The following ATG7 variants were observed in gnomAD, a reference collection of about 807,000 sequenced individuals.
ATG7 encodes ubiquitin-like modifier-activating enzyme ATG7.
Under a neutral mutation model 82.4 loss-of-function variants are expected in ATG7, and 70 were observed. That is an observed-to-expected ratio of 0.85 (90% CI 0.70 to 1.04). The LOEUF is 1.04. ATG7 is among the 50% of genes least tolerant of loss of function. The probability of loss-of-function intolerance (pLI) is 0.00; values close to 1 mark genes in which losing one functional copy is unlikely to be tolerated. For synonymous variants in ATG7, 287 were observed against 313.0 expected (o/e 0.92, Z 0.88); for missense variants, 792 against 864.3 (o/e 0.92, Z 1.05).
chr3:11,551,758 T>C (rs1181273340), intron 20 of ATG7, among the ~76,000 whole-genome samples: 5 of 151,662 alleles, frequency 3.3e-5, no homozygotes, highest in South Asian at 2.1e-4. Flanking sequence ...CTTTTCTTTT[T>C]TTTTTCTCGA....
intron 20 of ATG7, among the ~76,000 whole-genome samples, chr3:11,500,884 C>T (rs1347009292): frequency 6.6e-6 from 1 of 152,208 alleles, no homozygotes; most frequent in Non-Finnish European, 1.5e-5. Flanking sequence ...CCATCTTGGC[C>T]TCCCAAAGTG....
At chr3:11,424,248 A>T (rs2082176976) in intron 19 of ATG7, among the ~76,000 whole-genome samples, 1 of 152,102 alleles carries the variant, frequency 6.6e-6, no homozygotes, top group Non-Finnish European at 1.5e-5. Flanking sequence ...AAAAACAAAA[A>T]CCAACTAAAG....
chr3:11,500,880 T>G (rs2091270779), intron 20 of ATG7, among the ~76,000 whole-genome samples: 1 of 152,206 alleles, frequency 6.6e-6, no homozygotes, highest in Non-Finnish European at 1.5e-5. Context: ...CTGCCCATCT[T>G]GGCCTCCCAA....
chr3:11,531,835 G>A (rs1490854307), intron 20 of ATG7, among the ~76,000 whole-genome samples: 2 of 139,532 alleles, frequency 1.4e-5, no homozygotes, highest in African/African-American at 5.4e-5. Flanking sequence ...CTGCACTTCA[G>A]CCTGGGTGAC....
At chr3:11,511,487 A>G (rs916137682) in intron 20 of ATG7, among the ~76,000 whole-genome samples, 21 of 152,194 alleles carry the variant, frequency 1.4e-4, no homozygotes, top group Non-Finnish European at 2.5e-4. Context: ...AGCTAGATAT[A>G]AAGACTCTCC....
chr3:11,285,900 TC>T (rs1943910539), intron 3 of ATG7, among the ~76,000 whole-genome samples: 1 of 152,250 alleles, frequency 6.6e-6, no homozygotes, highest in Admixed American at 6.5e-5. Context: ...TGGAGCATCA[TC>T]CCAGGATCAC....
intron 9 of ATG7, among the ~76,000 whole-genome samples, chr3:11,325,896 G>T (rs192965414): frequency 1.3e-5 from 2 of 152,138 alleles, no homozygotes; most frequent in African/African-American, 4.8e-5. Context: ...TAGCCTTTGT[G>T]TGTTTTTTGT....
chr3:11,416,712 C>T (rs534293818), intron 19 of ATG7, among the ~76,000 whole-genome samples: 3 of 152,142 alleles, frequency 2.0e-5, no homozygotes, highest in South Asian at 2.1e-4. Flanking sequence ...ATTGATTTCT[C>T]CTCTAGTTTT....
intron 20 of ATG7, among the ~76,000 whole-genome samples, chr3:11,487,017 T>A (rs2089757913): frequency 6.6e-6 from 1 of 151,714 alleles, no homozygotes; most frequent in South Asian, 2.1e-4. Flanking sequence ...TTACTTGAGA[T>A]GAGGGATTGG....
chr3:11,535,102 G>A (rs922545519), intron 20 of ATG7, among the ~76,000 whole-genome samples: 4 of 152,260 alleles, frequency 2.6e-5, no homozygotes, highest in African/African-American at 7.2e-5. Context: ...TTCTTCCTAA[G>A]ATGTGTTGCT....
chr3:11,396,265 A>T (rs1051971167), intron 19 of ATG7, among the ~76,000 whole-genome samples: 1 of 152,090 alleles, frequency 6.6e-6, no homozygotes, highest in Non-Finnish European at 1.5e-5. Flanking sequence ...TTGCCAACAC[A>T]GTGAAACCCC....
At position 11,416,846 on chromosome 3, in the gene ATG7, T is replaced by A. The variant is rs76305702; in HGVS notation, c.1957-9958T>A. 2.8e-3 allele frequency among the ~76,000 whole-genome samples: 426 copies of A among 152,324 alleles called. 4 individuals carry two copies. The highest frequency in any genetic ancestry group is 9.3e-3 in the African/African-American group (387 of 41,578). ...ATATATTATTTCAGTGATACAGATT[T>A]CTGTCTCTAAGCATTTCTTTCCCTG... On this transcript the variant is annotated intron_variant, in intron 19 of 20. Transcript: ENST00000693202.
intron 20 of ATG7, among the ~76,000 whole-genome samples, chr3:11,434,162 A>C (rs551671174): frequency 2.1e-4 from 32 of 152,054 alleles, no homozygotes; most frequent in African/African-American, 7.5e-4. Context: ...TCTCCCCCAC[A>C]CAGCTGGTTT....
At chr3:11,380,128 G>C in intron 19 of ATG7, 76 bp downstream of exon 19, 1 of 1,441,540 alleles carries the variant, frequency 6.9e-7, no homozygotes, top group Non-Finnish European at 9.8e-7. Flanking sequence ...TCACCAGCTG[G>C]AGCCCTTGAA....
At chr3:11,438,907 G>A (rs888463414) in intron 20 of ATG7, among the ~76,000 whole-genome samples, 13 of 152,022 alleles carry the variant, frequency 8.6e-5, no homozygotes, top group African/African-American at 2.2e-4. Flanking sequence ...CCCTGTGACC[G>A]CTATTCTAGG....
At chr3:11,403,997 T>C (rs903369922) in intron 19 of ATG7, among the ~76,000 whole-genome samples, 6 of 152,176 alleles carry the variant, frequency 3.9e-5, no homozygotes, top group Non-Finnish European at 7.4e-5. Context: ...GACATATCAA[T>C]ATTTAAAAGA....
At chr3:11,308,717 G>A (rs1948158774) in intron 6 of ATG7, 1 of 512,318 alleles carries the variant, frequency 2.0e-6, no homozygotes, top group South Asian at 2.5e-5. Context: ...CATGAAAATG[G>A]CCTGGTTGCC....
At chr3:11,520,695 C>T (rs1257411916) in intron 20 of ATG7, among the ~76,000 whole-genome samples, 3 of 152,212 alleles carry the variant, frequency 2.0e-5, no homozygotes, top group Non-Finnish European at 4.4e-5. Flanking sequence ...ATTATGGCCA[C>T]CTGACAAGCT....
intron 20 of ATG7, among the ~76,000 whole-genome samples, chr3:11,507,668 A>G (rs2091812098): frequency 6.6e-6 from 1 of 152,130 alleles, no homozygotes; most frequent in Admixed American, 6.6e-5. Flanking sequence ...TGTCCTTCCA[A>G]ATTTAAAGAC....
Sources: gnomAD v4.1 joint callset for allele counts (sites outside exome capture counted in the v4.1 genomes callset) on GRCh38, gnomAD v4.1.1 for gene constraint, MANE v1.5 for transcripts, NCBI Gene and HGNC (gene_info 2026-07-23, HGNC 2026-07-21) for gene names.